Variants in NCK2 observed in about 807,000 individuals in gnomAD.
The protein encoded by NCK2 is cytoplasmic protein NCK2.
In NCK2, 16 loss-of-function variants were observed where a neutral mutation model predicts 33.9. The observed-to-expected ratio is 0.47, with a 90% CI of 0.32 to 0.72. The LOEUF is 0.72. Ranked by LOEUF, NCK2 falls within the 30% of genes least tolerant of loss-of-function variation. NCK2 has a pLI of 0.03. For missense variants in NCK2, 418 were observed against 537.3 expected (o/e 0.78, Z 2.19); for synonymous variants, 273 against 239.9 (o/e 1.14, Z -1.27).
intron 2 of NCK2, among the ~76,000 whole-genome samples, chr2:105,841,675 T>A (rs1379404218): frequency 6.6e-6 from 1 of 151,974 alleles, no homozygotes; most frequent in African/African-American, 2.4e-5. Flanking sequence ...GCCTTGGTCT[T>A]TCTGGTGACC....
At chr2:105,833,313 T>G (rs914279314) in intron 2 of NCK2, among the ~76,000 whole-genome samples, 1 of 152,096 alleles carries the variant, frequency 6.6e-6, no homozygotes, top group African/African-American at 2.4e-5. Flanking sequence ...GCCAGGCTGA[T>G]CTCGAACTCC....
intron 2 of NCK2, among the ~76,000 whole-genome samples, chr2:105,825,753 G>A (rs1395160627): frequency 6.6e-6 from 1 of 152,244 alleles, no homozygotes; most frequent in African/African-American, 2.4e-5. Context: ...GGAAATGTTT[G>A]TAACTTTACA....
intron 1 of NCK2, among the ~76,000 whole-genome samples, chr2:105,758,655 G>A (rs557935120): frequency 6.6e-6 from 1 of 151,956 alleles, no homozygotes; most frequent in Non-Finnish European, 1.5e-5. Flanking sequence ...TGATCCACCC[G>A]CCTCAGCCTC....
intron 4 of NCK2, among the ~76,000 whole-genome samples, chr2:105,886,172 T>C (rs1397566171): frequency 1.3e-5 from 2 of 152,228 alleles, no homozygotes; most frequent in African/African-American, 4.8e-5. Flanking sequence ...TTGCCAGGCT[T>C]TTTGCCCAGT....
chr2:105,799,281 A>AT (rs397732678), intron 1 of NCK2, among the ~76,000 whole-genome samples: 10 of 150,982 alleles, frequency 6.6e-5, no homozygotes, highest in African/African-American at 2.4e-4. Context: ...AAAAAAAAAA[A>AT]GTTCTTCCTT....
At chr2:105,857,046 TTTTG>T in intron 3 of NCK2, 1 of 88,702 alleles carries the variant, frequency 1.1e-5, no homozygotes, top group South Asian at 5.2e-4. Context: ...TTTTTTTTTT[TTTTG>T]TATTTACAAG....
chr2:105,832,878 T>C (rs887144406), intron 2 of NCK2, among the ~76,000 whole-genome samples: 7 of 151,830 alleles, frequency 4.6e-5, no homozygotes, highest in African/African-American at 1.7e-4. Flanking sequence ...CGTTTCGTTT[T>C]TGTTTCGTTT....
intron 1 of NCK2, among the ~76,000 whole-genome samples, chr2:105,775,753 C>A (rs1690278465): frequency 6.6e-6 from 1 of 152,162 alleles, no homozygotes; most frequent in Non-Finnish European, 1.5e-5. Context: ...GAGCACCACA[C>A]CTCCCGGTGT....
At chr2:105,791,534 ATTTG>A (rs1462341294) in intron 1 of NCK2, among the ~76,000 whole-genome samples, 9 of 152,040 alleles carry the variant, frequency 5.9e-5, no homozygotes, top group African/African-American at 2.2e-4. Flanking sequence ...GGATGTCCTT[ATTTG>A]TTCCGTGTAT....
At chr2:105,881,270 A>G in intron 3 of NCK2, 58 bp from the exon 4 acceptor site, 1 of 1,527,492 alleles carries the variant, frequency 6.5e-7, no homozygotes, top group Non-Finnish European at 8.8e-7. Flanking sequence ...CCGGTAGGCT[A>G]GGGAGTGTGG....
chr2:105,751,397 C>G (rs13006963), intron 1 of NCK2, among the ~76,000 whole-genome samples: 37,625 of 152,012 alleles, frequency 0.25, 5,425 homozygotes, highest in Middle Eastern at 0.36. Context: ...GTGACTGCAC[C>G]CTGACAGTCA....
intron 2 of NCK2, among the ~76,000 whole-genome samples, chr2:105,849,820 C>T (rs915780191): frequency 6.6e-6 from 1 of 152,138 alleles, no homozygotes; most frequent in African/African-American, 2.4e-5. Context: ...TAGAACATGG[C>T]CCCTCCTGAC....
Position 105,793,840 on chromosome 2 carries a change from C to T in NCK2, c.-200-22590C>T, listed in dbSNP as rs1447403992. On this transcript the variant is annotated intron_variant, in intron 1 of 4. Transcript: ENST00000233154. ...TCAGGCTCCTTTAGACAGTGCCTACCCCAGCTGGGGTCTGCGTGCCTTCAA... is the reference window on the plus strand; with the variant it reads ...TCAGGCTCCTTTAGACAGTGCCTACTCCAGCTGGGGTCTGCGTGCCTTCAA... Among the ~76,000 whole-genome samples, 3 of 152,114 alleles carry T rather than the reference C, an allele frequency of 2.0e-5. No individual in the cohort carries two copies. In the East Asian group the frequency reaches 5.8e-4, roughly 29 times the overall value.
chr2:105,763,908 T>C (rs1689847432), intron 1 of NCK2, among the ~76,000 whole-genome samples: 1 of 152,226 alleles, frequency 6.6e-6, no homozygotes, highest in Non-Finnish European at 1.5e-5. Flanking sequence ...TCCCTTACGA[T>C]GATGGACTGT....
In NCK2 at chr2:105,881,542, T is replaced by G; in HGVS notation, c.441T>G (p.Gly147=). 1.2e-6 allele frequency: 2 copies of G among 1,613,894 alleles called. No individual in the cohort carries two copies. The highest frequency in any genetic ancestry group is 2.2e-5 in the South Asian group (2 of 91,072). The change falls in exon 4 of 5, where the codon GGT becomes GGG. Residue 147 remains glycine, a synonymous_variant. Transcript: ENST00000233154. ...RVTVMEKCSD[G]WWRGSYNGQI... ...CCGTCATGGAGAAGTGCAGCGACGG[T>G]TGGTGGCGGGGCAGCTACAACGGGC... is the stretch of plus-strand genomic sequence containing the variant.
chr2:105,746,038 G>T (rs1344236784), intron 1 of NCK2, among the ~76,000 whole-genome samples: 1 of 152,208 alleles, frequency 6.6e-6, no homozygotes, highest in African/African-American at 2.4e-5. Flanking sequence ...TTGGCTGGTG[G>T]ACCCCAGGCA....
At chr2:105,780,760 C>G (rs1313123958) in intron 1 of NCK2, among the ~76,000 whole-genome samples, 2 of 152,198 alleles carry the variant, frequency 1.3e-5, no homozygotes. Context: ...GAAGACACCC[C>G]AGAGGGCCCC....
At chr2:105,854,702 T>C (rs1281745885) in intron 2 of NCK2, 1 of 195,130 alleles carries the variant, frequency 5.1e-6, no homozygotes, top group Admixed American at 5.4e-5. Flanking sequence ...AGAAAATGAG[T>C]GTCAACCTAA....
intron 3 of NCK2, among the ~76,000 whole-genome samples, chr2:105,858,358 C>T (rs1189527333): frequency 2.6e-5 from 4 of 152,122 alleles, no homozygotes; most frequent in African/African-American, 9.7e-5. Context: ...TCAGGTGATC[C>T]TCCCACCTTA....
Sources: allele counts gnomAD v4.1 joint callset (sites outside exome capture counted in the v4.1 genomes callset), GRCh38; gene constraint gnomAD v4.1.1; transcripts MANE v1.5; gene names NCBI Gene and HGNC (gene_info 2026-07-23, HGNC 2026-07-21).